Variants in SEL1L3 observed in about 807,000 individuals in gnomAD.
SEL1L3 encodes the protein SEL1L family member 3, also known as protein sel-1 homolog 3.
In SEL1L3, 76 loss-of-function variants were observed where a neutral mutation model predicts 142.8. The ratio of observed to expected loss-of-function variants is 0.53; its 90% CI spans 0.44 to 0.64. The LOEUF is 0.64. Among genes scored for constraint, SEL1L3 ranks in the 30% least tolerant of loss-of-function variants. SEL1L3 has a pLI of 0.00. For missense variants in SEL1L3, 1,262 were observed against 1,381.7 expected (o/e 0.91, Z 1.37); for synonymous variants, 504 against 519.6 (o/e 0.97, Z 0.41).
intron 6 of SEL1L3, among the ~76,000 whole-genome samples, chr4:25,825,993 C>T (rs906993448): frequency 1.3e-5 from 2 of 152,002 alleles, no homozygotes; most frequent in Admixed American, 1.3e-4. Context: ...AATTCTGACC[C>T]CCTTGTTCTC....
At chr4:25,725,472 C>T in the SEL1L3 span, among the ~76,000 whole-genome samples, 3,025 of 152,138 alleles carry the variant, frequency 0.02, 119 homozygotes, top group African/African-American at 0.068. Flanking sequence ...CGTGTCACCA[C>T]GGCTGGCTAT....
At chr4:25,760,831 T>C (rs1223034217) in intron 20 of SEL1L3, among the ~76,000 whole-genome samples, 1 of 152,232 alleles carries the variant, frequency 6.6e-6, no homozygotes, top group Non-Finnish European at 1.5e-5. Context: ...TTCTGCTTTT[T>C]ATATTTATTC....
chr4:25,789,982 C>A (rs113660668), intron 12 of SEL1L3, among the ~76,000 whole-genome samples: 153 of 152,346 alleles, frequency 1.0e-3, no homozygotes, highest in Middle Eastern at 3.4e-3. Flanking sequence ...GCTCTCCTAG[C>A]TGAGTTCATG....
chr4:25,813,922 C>T (rs565335151), intron 9 of SEL1L3, among the ~76,000 whole-genome samples: 58 of 152,304 alleles, frequency 3.8e-4, no homozygotes, highest in African/African-American at 1.3e-3. Context: ...TCTCTACCCC[C>T]TGCAATGTTC....
At chr4:25,786,169 G>C (rs1577600307) in intron 13 of SEL1L3, among the ~76,000 whole-genome samples, 1 of 152,118 alleles carries the variant, frequency 6.6e-6, no homozygotes, top group Non-Finnish European at 1.5e-5. Flanking sequence ...TCAACTACCT[G>C]GAATGAACCA....
At chr4:25,851,116 G>A (rs1487000131) in intron 1 of SEL1L3, among the ~76,000 whole-genome samples, 2 of 152,126 alleles carry the variant, frequency 1.3e-5, no homozygotes, top group Non-Finnish European at 2.9e-5. Flanking sequence ...CTCCCAAAGT[G>A]CTGGGATTAC....
intron 2 of SEL1L3, among the ~76,000 whole-genome samples, chr4:25,837,440 G>A (rs1005748017): frequency 4.0e-5 from 6 of 150,628 alleles, no homozygotes; most frequent in Admixed American, 6.6e-5. Flanking sequence ...AGAGTTAAAC[G>A]TGAATGACAA....
chr4:25,862,786 TTGCTGC>T lies in SEL1L3; in HGVS notation c.45_50del (p.Gln16_Gln17del). 8.4e-7 allele frequency: 1 copy of T among 1,186,780 alleles called. No individual in the cohort carries two copies. Among genetic ancestry groups the T allele is most frequent in the East Asian group, 3.7e-5 (1 of 27,178 alleles). The allele number at this position is 1,186,780 out of a possible 1,614,324, so 73.5% of individuals were successfully genotyped here. On this transcript the variant is annotated inframe_deletion, in exon 1 of 24. Coordinates refer to ENST00000399878, the MANE Select transcript of SEL1L3 (RefSeq NM_015187.5). ...GGGGGCCGACCGCGAGCGGCGGGGG[TTGCTGC>T]TGCTGCTGCCGCGGCCACCCGAGCC...
chr4:25,827,227 A>G (rs1715153576), intron 6 of SEL1L3, among the ~76,000 whole-genome samples: 1 of 152,230 alleles, frequency 6.6e-6, no homozygotes, highest in Non-Finnish European at 1.5e-5. Context: ...CATATGTCAA[A>G]GTCCAAATCT....
At chr4:25,809,684 T>A (rs531559375) in intron 9 of SEL1L3, among the ~76,000 whole-genome samples, 3 of 152,170 alleles carry the variant, frequency 2.0e-5, no homozygotes, top group African/African-American at 2.4e-5. Context: ...GGAGCTGTTA[T>A]TCTCTGAGCA....
At chr4:25,785,434 A>G (rs192759180) in intron 13 of SEL1L3, among the ~76,000 whole-genome samples, 8 of 152,156 alleles carry the variant, frequency 5.3e-5, no homozygotes, top group Non-Finnish European at 8.8e-5. Flanking sequence ...ACCGCTCTCT[A>G]TTTTCTTCTG....
rs78767271 is a variant in SEL1L3 at position 25,835,809 on chromosome 4, C to T, written c.734-486G>A. ...CATTTTCATTATTATCCCCAGTCTACAGATGAGAAAACAGAGGCACGGTTG... is the reference window on the plus strand; with the variant it reads ...CATTTTCATTATTATCCCCAGTCTATAGATGAGAAAACAGAGGCACGGTTG... On this transcript the variant is annotated intron_variant, in intron 2 of 23. Coordinates refer to ENST00000399878, the MANE Select transcript of SEL1L3 (RefSeq NM_015187.5). 2.3e-3 allele frequency among the ~76,000 whole-genome samples: 353 copies of T among 152,358 alleles called. 2 individuals are homozygous for T. Among genetic ancestry groups the T allele is most frequent in the Admixed American group, 6.9e-3 (106 of 15,300 alleles).
chr4:25,832,275 G>A (rs1448712419), intron 5 of SEL1L3, among the ~76,000 whole-genome samples: 1 of 152,152 alleles, frequency 6.6e-6, no homozygotes, highest in Non-Finnish European at 1.5e-5. Context: ...GCCTCTTCCA[G>A]TTTTGTTACA....
chr4:25,843,452 G>A (rs1716303009), intron 2 of SEL1L3, among the ~76,000 whole-genome samples: 1 of 152,186 alleles, frequency 6.6e-6, no homozygotes, highest in Admixed American at 6.5e-5. Context: ...TCTCAAAATA[G>A]AGTATGACAG....
At chr4:25,797,361 G>A (rs2109209061) in intron 11 of SEL1L3, among the ~76,000 whole-genome samples, 1 of 152,244 alleles carries the variant, frequency 6.6e-6, no homozygotes, top group Middle Eastern at 3.4e-3. Flanking sequence ...TCACCTCAGG[G>A]CCTGGCAGAA....
intron 1 of SEL1L3, among the ~76,000 whole-genome samples, chr4:25,852,986 A>G (rs1193876025): frequency 6.6e-6 from 1 of 152,258 alleles, no homozygotes; most frequent in African/African-American, 2.4e-5. Context: ...ACTGCTAAAA[A>G]TGCAACAGTC....
intron 20 of SEL1L3, chr4:25,759,341 C>T (rs1378534742): frequency 2.9e-5 from 11 of 383,866 alleles, no homozygotes; most frequent in Non-Finnish European, 3.8e-5. Flanking sequence ...CGCTCACTCT[C>T]TCAGAATAGA....
intron 2 of SEL1L3, among the ~76,000 whole-genome samples, chr4:25,840,384 C>CTGCTGAA (rs1716094999): frequency 6.6e-6 from 1 of 152,024 alleles, no homozygotes; most frequent in African/African-American, 2.4e-5. Flanking sequence ...AGTCCTGCTG[C>CTGCTGAA]ATAAACCATT....
chr4:25,756,928 T>C, intron 23 of SEL1L3: 3 of 1,276,618 alleles, frequency 2.3e-6, no homozygotes, highest in Non-Finnish European at 3.1e-6. Flanking sequence ...AAATTTTCAA[T>C]GGAAGAAATT....
Sources: allele counts gnomAD v4.1 joint callset (sites outside exome capture counted in the v4.1 genomes callset), GRCh38; gene constraint gnomAD v4.1.1; transcripts MANE v1.5; gene names NCBI Gene and HGNC (gene_info 2026-07-23, HGNC 2026-07-21).